The following RP1 variants were observed in gnomAD, a reference collection of about 807,000 sequenced individuals.
RP1 encodes oxygen-regulated protein 1.
In RP1, 16 loss-of-function variants were observed where a neutral mutation model predicts 14.8. The ratio of observed to expected loss-of-function variants is 1.08; its 90% confidence interval spans 0.73 to 1.65. The LOEUF (loss-of-function observed/expected upper bound fraction) is 1.65. RP1 is among the 40% of genes most tolerant of loss of function. RP1 has a pLI of 0.00. For missense variants in RP1, 2,631 were observed against 2,535.0 expected (o/e 1.04, Z -0.81); for synonymous variants, 876 against 883.6 (o/e 0.99, Z 0.15).
chr8:54,699,977 G>A (rs574323023), intron 13 of RP1, among the ~76,000 whole-genome samples: 9 of 152,074 alleles, frequency 5.9e-5, no homozygotes, highest in Admixed American at 2.0e-4. Context: ...TACATTGTAC[G>A]ATAACTTTAA....
At chr8:54,867,836 T>C (rs1204080669) in intron 28 of RP1, among the ~76,000 whole-genome samples, 1 of 152,186 alleles carries the variant, frequency 6.6e-6, no homozygotes, top group Non-Finnish European at 1.5e-5. Flanking sequence ...TAATTAAATT[T>C]AAATTAATAA....
intron 19 of RP1, among the ~76,000 whole-genome samples, chr8:54,742,861 C>A (rs1809132148): frequency 2.6e-5 from 4 of 152,218 alleles, no homozygotes; most frequent in African/African-American, 9.6e-5. Flanking sequence ...AGGGGTATAG[C>A]AACATCACTA....
chr8:54,707,783 C>T (rs1306335554), intron 15 of RP1, among the ~76,000 whole-genome samples: 2 of 152,120 alleles, frequency 1.3e-5, no homozygotes, highest in African/African-American at 4.8e-5. Context: ...TGCACTGATG[C>T]TCACAATGCA....
chr8:54,651,682 T>C (rs1330761034), intron 4 of RP1, among the ~76,000 whole-genome samples: 2 of 152,168 alleles, frequency 1.3e-5, no homozygotes, highest in Non-Finnish European at 2.9e-5. Flanking sequence ...ATCAGTTTTA[T>C]TGATGTTTTT....
intron 24 of RP1, among the ~76,000 whole-genome samples, chr8:54,807,951 G>A (rs1035909179): frequency 6.8e-6 from 1 of 147,260 alleles, no homozygotes; most frequent in Admixed American, 6.8e-5. Flanking sequence ...TTTCCTGAGA[G>A]TCCACAGATT....
chr8:54,660,289 C>G (rs536463997), intron 6 of RP1, among the ~76,000 whole-genome samples: 18 of 152,140 alleles, frequency 1.2e-4, no homozygotes, highest in Admixed American at 3.9e-4. Context: ...TTTCTTTCAT[C>G]AATAAGTATT....
At chr8:54,679,945 G>C (rs917249027) in intron 12 of RP1, 1 of 1,535,550 alleles carries the variant, frequency 6.5e-7, no homozygotes, top group Non-Finnish European at 8.7e-7. Context: ...TAAAACTATC[G>C]TACAAAGCTT....
chr8:54,696,855 T>C (rs1807877938), intron 12 of RP1: 1 of 756,496 alleles, frequency 1.3e-6, no homozygotes, highest in East Asian at 2.4e-5. Context: ...TAACTCATTT[T>C]GAAATGTGGA....
At chr8:54,701,561 G>A (rs1329332050) in exon 14 of RP1, 2 of 1,535,758 alleles carry the variant, frequency 1.3e-6, no homozygotes, top group Non-Finnish European at 1.7e-6. Flanking sequence ...GTCGGCACTG[G>A]TTCCTGGTCA....
chr8:54,743,838 T>C (rs1285792722), intron 19 of RP1, among the ~76,000 whole-genome samples: 1 of 152,168 alleles, frequency 6.6e-6, no homozygotes, highest in Non-Finnish European at 1.5e-5. Context: ...CTAATGCCCA[T>C]TCACCTCAGC....
chr8:54,790,396 T>C (rs1045535877), intron 24 of RP1, among the ~76,000 whole-genome samples: 1 of 152,182 alleles, frequency 6.6e-6, no homozygotes, highest in African/African-American at 2.4e-5. Flanking sequence ...CTTCCTTAAA[T>C]GCACAGTCAC....
chr8:54,796,413 A>G (rs984013485), intron 24 of RP1, among the ~76,000 whole-genome samples: 5 of 152,156 alleles, frequency 3.3e-5, no homozygotes, highest in East Asian at 1.9e-4. Context: ...GTGTTCCTCT[A>G]GAAGATATGT....
chr8:54,870,745 T>C (rs1305984445), exon 29 of RP1: 1 of 152,196 alleles, frequency 6.6e-6, no homozygotes, highest in African/African-American at 2.4e-5. Flanking sequence ...GCTTTTGATA[T>C]CAAAGACACC....
rs115752172 is a variant in RP1, at chr8:54,706,404, G to A, written c.1999-39G>A. On this transcript the variant is annotated intron_variant, in intron 14 of 22. Coordinates refer to the RP1 transcript ENST00000636932. Reference sequence around the variant, plus strand: ...TCTCCCTCTAGCAAAACACGAGCCCGTTACTGACTGCCTTTCTGTTCTGTT... The same window carrying A: ...TCTCCCTCTAGCAAAACACGAGCCCATTACTGACTGCCTTTCTGTTCTGTT... 3,094 of 1,527,912 alleles carry A rather than the reference G, an allele frequency of 2.0e-3. 57 individuals are homozygous for A. In the African/African-American group the frequency reaches 0.037, roughly 18 times the overall value. 94.6% of individuals were successfully genotyped at this position (1,527,912 alleles called of 1,614,324 possible).
rs1585705211 is a variant in RP1, at chr8:54,802,972, G to A, written c.3615+19262G>A. ...GCAAGGTAGCTTACTAAGCTCAAGA[G>A]AGAAAAAAGCTTGTCTTTCTTGGGA... On this transcript the variant is annotated intron_variant, in intron 24 of 28. Coordinates refer to the RP1 transcript ENST00000637698. Among the ~76,000 whole-genome samples, 6 of 151,584 alleles carry A rather than the reference G, an allele frequency of 4.0e-5. No homozygotes were observed. The South Asian group carries it at 1.0e-3, about 26-fold the overall frequency.
chr8:54,784,785 T>C (rs1810277450), intron 24 of RP1, among the ~76,000 whole-genome samples: 1 of 152,078 alleles, frequency 6.6e-6, no homozygotes, highest in African/African-American at 2.4e-5. Context: ...AATTTATCAG[T>C]TTATTTGTGC....
chr8:54,821,268 A>G (rs1485331326), intron 24 of RP1, among the ~76,000 whole-genome samples: 1 of 152,234 alleles, frequency 6.6e-6, no homozygotes, highest in Non-Finnish European at 1.5e-5. Context: ...ACTATCATAT[A>G]TAAATGAAAG....
chr8:54,679,362 C>A (rs1403721303), intron 9 of RP1: 132 of 1,411,730 alleles, frequency 9.4e-5, no homozygotes, highest in Non-Finnish European at 1.2e-4. Context: ...AAGATAATTG[C>A]CAATGGTTAA....
chr8:54,617,263 AT>A (rs1805741769), intron 1 of RP1, among the ~76,000 whole-genome samples: 1 of 152,174 alleles, frequency 6.6e-6, no homozygotes, highest in African/African-American at 2.4e-5. Flanking sequence ...GAATTCAACC[AT>A]TTTATGCTGC....
Sources: gnomAD v4.1 joint callset for allele counts (sites outside exome capture counted in the v4.1 genomes callset) on GRCh38, gnomAD v4.1.1 for gene constraint, MANE v1.5 for transcripts, NCBI Gene and HGNC (gene_info 2026-07-23, HGNC 2026-07-21) for gene names.